Variants in KSR2 observed in about 807,000 individuals in gnomAD.
KSR2 encodes kinase suppressor of ras 2.
In KSR2, 25 loss-of-function variants were observed where a neutral mutation model predicts 107.8. The ratio of observed to expected loss-of-function variants is 0.23; its 90% CI spans 0.17 to 0.32. The LOEUF is 0.32. KSR2 is among the 10% of genes least tolerant of loss of function. KSR2 has a pLI of 1.00. For missense variants in KSR2, 887 were observed against 1,268.9 expected, an observed-to-expected ratio of 0.70 and a Z score of 4.57; for synonymous variants, 480 against 507.0, an observed-to-expected ratio of 0.95 and a Z score of 0.71.
Position 117,637,682 on chromosome 12 carries a change from T to TTTTTTTTTTTTG in KSR2, c.1171+29791_1171+29792insCAAAAAAAAAAA, listed in dbSNP as rs1565938420. ...CCCAGCAGTCAGTTTTGGGTTTTTT[T>TTTTTTTTTTTTG]TTTTTTTTTTTTTTTTTGAGACAGA... On this transcript the variant is annotated intron_variant, in intron 5 of 19. Transcript: ENST00000339824. Among the ~76,000 whole-genome samples, 3 of 130,622 alleles carry TTTTTTTTTTTTG rather than the reference T, an allele frequency of 2.3e-5. 1 individual carries two copies. The highest frequency in any genetic ancestry group is 4.8e-5 in the Non-Finnish European group (3 of 61,996). The allele number at this position is 130,622 out of a possible 152,430, so 85.7% of individuals were successfully genotyped here. A position where few individuals can be genotyped will look rare whatever the true frequency, so the allele number is the denominator to read the frequency against.
chr12:117,704,321 A>T (rs1488344095), intron 4 of KSR2, among the ~76,000 whole-genome samples: 3 of 152,114 alleles, frequency 2.0e-5, no homozygotes, highest in Admixed American at 6.6e-5. Flanking sequence ...TTCAGTGTGG[A>T]AGGAGAAGCT....
intron 1 of KSR2, among the ~76,000 whole-genome samples, chr12:117,860,956 T>C (rs1893270665): frequency 6.6e-6 from 1 of 152,150 alleles, no homozygotes; most frequent in Non-Finnish European, 1.5e-5. Context: ...TGACCCCATG[T>C]GATCCACCCG....
chr12:117,740,663 A>AC (rs1565990490), intron 4 of KSR2, among the ~76,000 whole-genome samples: 17 of 90,598 alleles, frequency 1.9e-4, no homozygotes, highest in East Asian at 7.6e-4. Flanking sequence ...TGTAATATAT[A>AC]ATATATATAA....
rs764155957 is a variant in KSR2, at chr12:117,611,300, CAAGA to C, written c.1172-28945_1172-28942del. On this transcript the variant is annotated intron_variant, in intron 5 of 19. Coordinates refer to ENST00000339824, the MANE Select transcript of KSR2 (RefSeq NM_173598.6). ...GAAGCTTGATTGGTTCTAATTTACTCAAGAAAGCTTAGAAAGTCACACTGGGTGT... is the reference window on the plus strand; with the variant it reads ...GAAGCTTGATTGGTTCTAATTTACTCAAGCTTAGAAAGTCACACTGGGTGT... Among the ~76,000 whole-genome samples, 7 of 152,122 alleles carry C rather than the reference CAAGA, an allele frequency of 4.6e-5. No individual in the cohort carries two copies. The East Asian group carries it at 9.6e-4, about 21-fold the overall frequency.
intron 1 of KSR2, among the ~76,000 whole-genome samples, chr12:117,922,180 CAG>C (rs1378717238): frequency 6.6e-6 from 1 of 152,174 alleles, no homozygotes. Flanking sequence ...TATCTGAAGA[CAG>C]GGCAAACCCA....
At chr12:117,776,885 A>T (rs1889702752) in intron 3 of KSR2, among the ~76,000 whole-genome samples, 1 of 151,848 alleles carries the variant, frequency 6.6e-6, no homozygotes, top group African/African-American at 2.4e-5. Context: ...TTATACAATC[A>T]GTTCTTGTTA....
At chr12:117,680,841 G>A (rs1253130190) in intron 4 of KSR2, among the ~76,000 whole-genome samples, 1 of 152,164 alleles carries the variant, frequency 6.6e-6, no homozygotes, top group Non-Finnish European at 1.5e-5. Flanking sequence ...AAATGACCTG[G>A]TAAGTGTTAC....
chr12:117,911,360 A>G (rs145222442), intron 1 of KSR2, among the ~76,000 whole-genome samples: 55 of 152,280 alleles, frequency 3.6e-4, no homozygotes, highest in African/African-American at 1.2e-3. Context: ...TCATGAGAAG[A>G]GCATGTTCAG....
chr12:117,517,043 T>A (rs930860912), intron 14 of KSR2, among the ~76,000 whole-genome samples: 2 of 152,166 alleles, frequency 1.3e-5, no homozygotes, highest in African/African-American at 4.8e-5. Flanking sequence ...GGATGTTCCA[T>A]GCCCCTTCCT....
chr12:117,968,029 CTTTTTTTTT>C (rs34834989), intron 1 of KSR2, 38 bp downstream of exon 1: 8,398 of 673,656 alleles, frequency 0.012, 13 homozygotes, highest in East Asian at 0.022. Flanking sequence ...AGAAGGATTG[CTTTTTTTTT>C]TTTTTTTTTT....
intron 7 of KSR2, among the ~76,000 whole-genome samples, chr12:117,568,481 C>T (rs550264989): frequency 1.1e-4 from 17 of 152,154 alleles, no homozygotes; most frequent in African/African-American, 3.1e-4. Flanking sequence ...CCGTGTAAAG[C>T]GGTTAAAAGT....
intron 3 of KSR2, among the ~76,000 whole-genome samples, chr12:117,811,739 A>G (rs1950859603): frequency 6.6e-6 from 1 of 152,240 alleles, no homozygotes; most frequent in Non-Finnish European, 1.5e-5. Flanking sequence ...TCAGTGAAAG[A>G]TAATACCAGT....
At chr12:117,794,533 ACAACATGCACACTCAAC>A (rs1340253552) in intron 3 of KSR2, among the ~76,000 whole-genome samples, 4 of 132,188 alleles carry the variant, frequency 3.0e-5, no homozygotes, top group African/African-American at 6.2e-5. Flanking sequence ...ACATGCACAC[ACAACATGCACACTCAAC>A]CAACATGCAC....
chr12:117,954,637 G>GC (rs1450261427), intron 1 of KSR2, among the ~76,000 whole-genome samples: 1 of 152,228 alleles, frequency 6.6e-6, no homozygotes, highest in Non-Finnish European at 1.5e-5. Flanking sequence ...GCAGAGCTCA[G>GC]CACCACACAG....
chr12:117,739,224 G>A (rs550754265), intron 4 of KSR2, among the ~76,000 whole-genome samples: 134 of 151,784 alleles, frequency 8.8e-4, no homozygotes, highest in African/African-American at 2.8e-3. Context: ...GCGTGGTAGC[G>A]GGCGCCTGTA....
Position 117,457,112 on chromosome 12 carries a change from T to G in KSR2, c.*10087A>C, listed in dbSNP as rs1870663081. On this transcript the variant is annotated 3_prime_UTR_variant, in exon 20 of 20. Coordinates refer to ENST00000339824, the MANE Select transcript of KSR2 (RefSeq NM_173598.6). The stretch of plus-strand genomic sequence containing the variant: ...AGGATGGAGAGAATGACTGGAGATT[T>G]CAGCCCCTGTCCGTGCAGACGGTGA... The G allele has an allele frequency of 6.6e-6, 1 of 152,248 alleles. No individual in the cohort carries two copies. The allele number at this position is 152,248 out of a possible 1,614,324, so 9.4% of individuals were successfully genotyped here.
intron 5 of KSR2, among the ~76,000 whole-genome samples, chr12:117,619,874 G>A (rs7485856): frequency 0.4 from 60,209 of 151,382 alleles, 13,311 homozygotes; most frequent in South Asian, 0.53. Context: ...GCAGAAATGT[G>A]ACCATCATCA....
chr12:117,510,969 CCTTATGT>C (rs1454153948), intron 14 of KSR2, among the ~76,000 whole-genome samples: 3 of 152,026 alleles, frequency 2.0e-5, no homozygotes, highest in Non-Finnish European at 4.4e-5. Context: ...ATTTTCAGAG[CCTTATGT>C]CTATCAATTC....
intron 4 of KSR2, among the ~76,000 whole-genome samples, chr12:117,741,454 T>C (rs1456597352): frequency 6.6e-6 from 1 of 152,114 alleles, no homozygotes; most frequent in Non-Finnish European, 1.5e-5. Flanking sequence ...GAGCCCAGGA[T>C]GTCGAGGCTG....
Sources: gnomAD v4.1 joint callset for allele counts (sites outside exome capture counted in the v4.1 genomes callset) on GRCh38, gnomAD v4.1.1 for gene constraint, MANE v1.5 for transcripts, NCBI Gene and HGNC (gene_info 2026-07-23, HGNC 2026-07-21) for gene names.